The following CACNB4 variants were observed in gnomAD, a reference collection of about 807,000 sequenced individuals.
CACNB4 encodes calcium voltage-gated channel auxiliary subunit beta 4, also known as voltage-dependent L-type calcium channel subunit beta-4.
CACNB4 carries 32 observed loss-of-function variants against 71.2 expected under a neutral mutation model. The observed-to-expected ratio is 0.45, with a 90% CI of 0.34 to 0.60. The LOEUF is 0.60. Among genes scored for constraint, CACNB4 ranks in the 20% least tolerant of loss-of-function variants. The probability of loss-of-function intolerance (pLI) is 0.01; values close to 1 mark genes in which losing one functional copy is unlikely to be tolerated. For synonymous variants in CACNB4, 231 were observed against 236.9 expected, an observed-to-expected ratio of 0.97 and a Z score of 0.23; for missense variants, 464 against 647.9, an observed-to-expected ratio of 0.72 and a Z score of 3.08.
intron 2 of CACNB4, among the ~76,000 whole-genome samples, chr2:151,919,730 C>A (rs2099858444): frequency 6.6e-6 from 1 of 152,144 alleles, no homozygotes; most frequent in African/African-American, 2.4e-5. Flanking sequence ...TTAATTTGTA[C>A]ATCATTCCTC....
chr2:151,895,670 T>C (rs952497727), intron 2 of CACNB4, among the ~76,000 whole-genome samples: 1 of 151,958 alleles, frequency 6.6e-6, no homozygotes, highest in African/African-American at 2.4e-5. Context: ...TATAAAAATA[T>C]GCATATTTTT....
At chr2:151,874,640 G>C (rs2099845493) in intron 5 of CACNB4, among the ~76,000 whole-genome samples, 2 of 152,146 alleles carry the variant, frequency 1.3e-5, no homozygotes, top group African/African-American at 2.4e-5. Context: ...TATGACAAAG[G>C]TAGGCGCCTA....
chr2:151,865,176 G>A (rs1275911271), intron 9 of CACNB4, among the ~76,000 whole-genome samples: 1 of 152,206 alleles, frequency 6.6e-6, no homozygotes, highest in East Asian at 1.9e-4. Flanking sequence ...ACTGCAATTA[G>A]AAATTATCTT....
intron 2 of CACNB4, among the ~76,000 whole-genome samples, chr2:151,962,405 C>A (rs2099869891): frequency 1.3e-5 from 2 of 152,102 alleles, no homozygotes; most frequent in South Asian, 2.1e-4. Context: ...ACTCTCTCCA[C>A]CCCCACCCCC....
chr2:151,863,201 G>T (rs1440550922), intron 9 of CACNB4, among the ~76,000 whole-genome samples: 1 of 152,012 alleles, frequency 6.6e-6, no homozygotes, highest in Non-Finnish European at 1.5e-5. Context: ...AAGTAGCTGG[G>T]ATTGCAAGCA....
At chr2:151,891,405 T>C (rs2099850686) in intron 2 of CACNB4, among the ~76,000 whole-genome samples, 1 of 152,164 alleles carries the variant, frequency 6.6e-6, no homozygotes, top group African/African-American at 2.4e-5. Flanking sequence ...ACAAGCAGAT[T>C]TGCAAGTTAA....
At chr2:151,907,741 T>C (rs1014569263) in intron 2 of CACNB4, among the ~76,000 whole-genome samples, 7 of 152,242 alleles carry the variant, frequency 4.6e-5, no homozygotes, top group African/African-American at 1.4e-4. Flanking sequence ...TCCTGTTTTC[T>C]TTCTCTGACA....
intron 2 of CACNB4, among the ~76,000 whole-genome samples, chr2:151,890,709 C>T (rs542056619): frequency 7.9e-5 from 12 of 152,310 alleles, no homozygotes; most frequent in African/African-American, 2.9e-4. Flanking sequence ...CACTAATTTA[C>T]AATGATAGAC....
chr2:152,090,158 C>T (rs1166803220), intron 2 of CACNB4, among the ~76,000 whole-genome samples: 1 of 152,142 alleles, frequency 6.6e-6, no homozygotes, highest in African/African-American at 2.4e-5. Context: ...TGGGTCAGAC[C>T]CAGATTTGAG....
At chr2:151,845,473 GTATCA>G (rs958814731) in intron 12 of CACNB4, among the ~76,000 whole-genome samples, 1 of 130,330 alleles carries the variant, frequency 7.7e-6, no homozygotes, top group African/African-American at 3.8e-5. Flanking sequence ...TAGAAACTCA[GTATCA>G]GGGAAAACAA....
intron 2 of CACNB4, among the ~76,000 whole-genome samples, chr2:152,058,913 C>T (rs1685863191): frequency 6.6e-6 from 1 of 152,224 alleles, no homozygotes; most frequent in African/African-American, 2.4e-5. Context: ...TGCCTTTTGT[C>T]CCAGTCACTC....
chr2:152,018,478 A>G (rs1483254493), intron 2 of CACNB4, among the ~76,000 whole-genome samples: 2 of 152,112 alleles, frequency 1.3e-5, no homozygotes, highest in African/African-American at 4.8e-5. Context: ...GTAGTCAAAT[A>G]TTTATTAGAT....
intron 2 of CACNB4, among the ~76,000 whole-genome samples, chr2:152,063,706 A>G (rs1221316864): frequency 6.6e-6 from 1 of 152,338 alleles, no homozygotes; most frequent in East Asian, 1.9e-4. Flanking sequence ...CACATAAGTA[A>G]TATAAGTGAG....
At chr2:151,863,598 T>G (rs1298348515) in intron 9 of CACNB4, among the ~76,000 whole-genome samples, 1 of 152,208 alleles carries the variant, frequency 6.6e-6, no homozygotes, top group African/African-American at 2.4e-5. Context: ...AATAAAATTT[T>G]CTAGTTCTAT....
chr2:151,926,113 T>G (rs1344731391), intron 2 of CACNB4, among the ~76,000 whole-genome samples: 1 of 152,076 alleles, frequency 6.6e-6, no homozygotes, highest in African/African-American at 2.4e-5. Context: ...CAAGGATGGA[T>G]GAGATAAATG....
chr2:152,037,491 C>T (rs1684657096), intron 2 of CACNB4, among the ~76,000 whole-genome samples: 1 of 152,208 alleles, frequency 6.6e-6, no homozygotes, highest in Non-Finnish European at 1.5e-5. Context: ...TCTGCAAATG[C>T]TTACGTATCT....
chr2:152,035,475 G>A (rs1368081268), intron 2 of CACNB4, among the ~76,000 whole-genome samples: 2 of 152,132 alleles, frequency 1.3e-5, no homozygotes, highest in South Asian at 2.1e-4. Flanking sequence ...CAGGAGAATC[G>A]CTTGAACCCG....
intron 2 of CACNB4, among the ~76,000 whole-genome samples, chr2:152,050,839 G>A (rs938272243): frequency 1.3e-5 from 2 of 151,960 alleles, no homozygotes; most frequent in Admixed American, 6.6e-5. Context: ...CACAATCTTG[G>A]CTCACTGCAG....
At chr2:151,841,530 G>A (rs1578416743) in intron 13 of CACNB4, 1 of 189,514 alleles carries the variant, frequency 5.3e-6, no homozygotes, top group Non-Finnish European at 1.1e-5. Context: ...TGAGGCTGTA[G>A]TGAGCTATGA....
Sources: gnomAD v4.1 joint callset for allele counts (sites outside exome capture counted in the v4.1 genomes callset) on GRCh38, gnomAD v4.1.1 for gene constraint, MANE v1.5 for transcripts, NCBI Gene and HGNC (gene_info 2026-07-23, HGNC 2026-07-21) for gene names.